MYLK4: variants seen among roughly 807,000 people sequenced by gnomAD.
The protein encoded by MYLK4 is caMLCK like.
MYLK4 carries 46 observed loss-of-function variants against 48.1 expected under a neutral mutation model. That is an observed-to-expected ratio of 0.96 (90% CI 0.75 to 1.22). The LOEUF is 1.22. Ranked by LOEUF, MYLK4 falls within the 50% of genes most tolerant of loss-of-function variation. The probability of loss-of-function intolerance (pLI) is 0.00; values close to 1 mark genes in which losing one functional copy is unlikely to be tolerated. For synonymous variants in MYLK4, 170 were observed against 180.8 expected (o/e 0.94, Z 0.48); for missense variants, 451 against 486.1 (o/e 0.93, Z 0.68).
chr6:2,759,796 G>C, the MYLK4 span, among the ~76,000 whole-genome samples: 1 of 152,206 alleles, frequency 6.6e-6, no homozygotes, highest in African/African-American at 2.4e-5. Flanking sequence ...ATGTTAAGAA[G>C]ATAACTTTCT....
chr6:2,683,387 C>A (rs1331974725), intron 6 of MYLK4, among the ~76,000 whole-genome samples: 1 of 86,206 alleles, frequency 1.2e-5, no homozygotes, highest in Non-Finnish European at 2.6e-5. Flanking sequence ...AACTCCCCAC[C>A]TTTTTGTGTG....
At chr6:2,745,753 CT>C (rs1764063441) in intron 2 of MYLK4, among the ~76,000 whole-genome samples, 1 of 151,942 alleles carries the variant, frequency 6.6e-6, no homozygotes, top group East Asian at 1.9e-4. Flanking sequence ...ATGGAGACCC[CT>C]GTCTCTACAA....
the MYLK4 span, chr6:2,766,132 C>A: frequency 8.1e-7 from 1 of 1,240,346 alleles, no homozygotes. Context: ...AGGCCGTGGG[C>A]GACGGCGATG....
chr6:2,726,222 ACTCT>A (rs1273631380), intron 2 of MYLK4, among the ~76,000 whole-genome samples: 1 of 152,110 alleles, frequency 6.6e-6, no homozygotes, highest in Non-Finnish European at 1.5e-5. Flanking sequence ...TTACCTTGAG[ACTCT>A]CTAACAGCAA....
chr6:2,738,958 G>A (rs999149150), intron 2 of MYLK4, among the ~76,000 whole-genome samples: 1 of 152,174 alleles, frequency 6.6e-6, no homozygotes, highest in East Asian at 1.9e-4. Context: ...TGTAAAATAT[G>A]TCCCACTCTA....
At chr6:2,765,806 A>C in the MYLK4 span, 2 of 1,369,658 alleles carry the variant, frequency 1.5e-6, no homozygotes. Flanking sequence ...GGAGCGGGCC[A>C]AGGGGCCCTC....
chr6:2,770,258 A>T, the MYLK4 span: 2 of 1,614,180 alleles, frequency 1.2e-6, no homozygotes, highest in Non-Finnish European at 8.5e-7. Context: ...AGTAGAGGCA[A>T]TGGTGACTAT....
At chr6:2,763,756 G>A in the MYLK4 span, among the ~76,000 whole-genome samples, 1 of 152,224 alleles carries the variant, frequency 6.6e-6, no homozygotes, top group Non-Finnish European at 1.5e-5. Context: ...ACCACGGCCG[G>A]AGTGGACGCC....
At chr6:2,745,283 A>C (rs1400853949) in intron 2 of MYLK4, among the ~76,000 whole-genome samples, 1 of 152,230 alleles carries the variant, frequency 6.6e-6, no homozygotes, top group Admixed American at 6.5e-5. Flanking sequence ...GCTATTTACT[A>C]TATAGATAAC....
At chr6:2,714,221 A>T (rs1762784423) in intron 2 of MYLK4, among the ~76,000 whole-genome samples, 1 of 152,150 alleles carries the variant, frequency 6.6e-6, no homozygotes, top group South Asian at 2.1e-4. Flanking sequence ...AGCTGGCCCC[A>T]TTGCTCATTA....
At chr6:2,692,893 T>C (rs1366621008) in intron 2 of MYLK4, 34 bp from the exon 3 acceptor site, 1 of 1,594,588 alleles carries the variant, frequency 6.3e-7, no homozygotes, top group African/African-American at 1.3e-5. Context: ...TGAAGTTACA[T>C]ATCACATCTG....
intron 1 of MYLK4, among the ~76,000 whole-genome samples, chr6:2,750,459 A>C (rs935366914): frequency 1.3e-5 from 2 of 152,252 alleles, no homozygotes. Context: ...ATTGCCCTGA[A>C]AAAATTATTA....
At chr6:2,765,780 G>T in the MYLK4 span, 1 of 1,443,420 alleles carries the variant, frequency 6.9e-7, no homozygotes, top group Non-Finnish European at 9.1e-7. Context: ...CCCGCGGCCG[G>T]GTCGCACCGC....
At chr6:2,724,849 C>T (rs988082164) in intron 2 of MYLK4, among the ~76,000 whole-genome samples, 2 of 152,124 alleles carry the variant, frequency 1.3e-5, no homozygotes, top group African/African-American at 2.4e-5. Context: ...TAAGTTAAAG[C>T]CCATAACACA....
At chr6:2,765,585 TGCGGCCGCGCCGGGCGCCGGGGAGG>T in the MYLK4 span, 13 of 1,455,764 alleles carry the variant, frequency 8.9e-6, no homozygotes, top group Non-Finnish European at 1.2e-5. Flanking sequence ...CACGGGTTGC[TGCGGCCGCGCCGGGCGCCGGGGAGG>T]GCGGCGGCCG....
In MYLK4 at chr6:2,733,824, T is replaced by C. The variant is rs558365872; in HGVS notation, c.159+15312A>G. On this transcript the variant is annotated intron_variant, in intron 2 of 12. Coordinates refer to ENST00000274643, the MANE Select transcript of MYLK4 (RefSeq NM_001012418.5). ...CCTGGAGGGTTATCCAAAGCACAGA[T>C]TCCCAAGCTTCGCCCGCGGAGACGC... Among the ~76,000 whole-genome samples, 3 of 152,196 alleles carry C rather than the reference T, an allele frequency of 2.0e-5. No individual in the cohort carries two copies. In the South Asian group the frequency reaches 6.2e-4, roughly 32 times the overall value.
At chr6:2,762,927 A>G in the MYLK4 span, among the ~76,000 whole-genome samples, 7 of 152,258 alleles carry the variant, frequency 4.6e-5, no homozygotes, top group African/African-American at 1.7e-4. Context: ...GAGTATTACC[A>G]CTCATTAAGA....
At chr6:2,770,032 A>G in the MYLK4 span, 1 of 1,557,314 alleles carries the variant, frequency 6.4e-7, no homozygotes, top group Non-Finnish European at 8.7e-7. Context: ...AAATGAGGAA[A>G]AGGAAGGAAG....
intron 2 of MYLK4, among the ~76,000 whole-genome samples, chr6:2,741,880 T>A (rs1763910585): frequency 6.6e-6 from 1 of 152,150 alleles, no homozygotes; most frequent in Non-Finnish European, 1.5e-5. Flanking sequence ...CTTGAGTGAG[T>A]AACACATTCT....
Sources: allele counts gnomAD v4.1 joint callset (sites outside exome capture counted in the v4.1 genomes callset), GRCh38; gene constraint gnomAD v4.1.1; transcripts MANE v1.5; gene names NCBI Gene and HGNC (gene_info 2026-07-23, HGNC 2026-07-21).